The following TJP2 variants were observed in gnomAD, a reference collection of about 807,000 sequenced individuals.
TJP2 encodes Friedreich ataxia region gene X104 (tight junction protein ZO-2).
TJP2 carries 91 observed loss-of-function variants against 133.1 expected under a neutral mutation model. That is an observed-to-expected ratio of 0.68 (90% CI 0.58 to 0.81). The LOEUF (loss-of-function observed/expected upper bound fraction) is 0.81. TJP2 is among the 40% of genes least tolerant of loss of function. The pLI, the probability that TJP2 is intolerant of heterozygous loss-of-function variation, is 0.00. For missense variants in TJP2, 1,541 were observed against 1,565.6 expected (o/e 0.98, Z 0.26); for synonymous variants, 592 against 583.4 (o/e 1.01, Z -0.21).
At chr9:69,219,957 C>G (rs1054531139) in intron 4 of TJP2, among the ~76,000 whole-genome samples, 4 of 151,996 alleles carry the variant, frequency 2.6e-5, no homozygotes, top group Non-Finnish European at 2.9e-5. Context: ...TCGAGACCAG[C>G]CTGGCCAACA....
intron 2 of TJP2, among the ~76,000 whole-genome samples, chr9:69,163,709 G>A (rs1824207995): frequency 6.6e-6 from 1 of 151,688 alleles, no homozygotes; most frequent in South Asian, 2.1e-4. Flanking sequence ...CTGAGCTCAA[G>A]CCATCCATCC....
chr9:69,184,070 G>T (rs1468305967), intron 1 of TJP2, among the ~76,000 whole-genome samples: 1 of 152,180 alleles, frequency 6.6e-6, no homozygotes, highest in African/African-American at 2.4e-5. Context: ...AAACCTGGGT[G>T]TGAATTCTTT....
intron 1 of TJP2, among the ~76,000 whole-genome samples, chr9:69,176,640 TA>T (rs1825113573): frequency 6.6e-6 from 1 of 152,216 alleles, no homozygotes. Flanking sequence ...AATGAATTTT[TA>T]CATCACCCCC....
At position 69,225,337 on chromosome 9, in the gene TJP2, T is replaced by A. The variant is rs375470616; in HGVS notation, c.986T>A (p.Val329Glu). The A allele has an allele frequency of 6.2e-7, 1 of 1,613,768 alleles. No homozygotes were observed. Among genetic ancestry groups the A allele is most frequent in the Non-Finnish European group, 8.5e-7 (1 of 1,179,868 alleles). The change falls in exon 6 of 23, where the codon GTA becomes GAA. Residue 329 changes from valine (V) to glutamate (E), a missense_variant. Physicochemically the swap from Val to Glu is moderately radical, Grantham distance 121. Transcript: ENST00000377245. ...YGLRLGSQIF[V>E]KEMTRTGLAT... ...CTCCGGCTTGGGAGTCAGATCTTCG[T>A]AAAGGAAATGACCCGAACGGGTCTG... is the stretch of plus-strand genomic sequence containing the variant.
chr9:69,191,019 T>C (rs998439030), intron 1 of TJP2, among the ~76,000 whole-genome samples: 17 of 152,194 alleles, frequency 1.1e-4, no homozygotes, highest in African/African-American at 4.1e-4. Context: ...AATCTGGGAA[T>C]AGTAGATCAG....
intron 2 of TJP2, among the ~76,000 whole-genome samples, chr9:69,156,765 C>T (rs969513060): frequency 2.6e-5 from 4 of 151,756 alleles, no homozygotes; most frequent in African/African-American, 4.8e-5. Context: ...GTGATCCGCC[C>T]GCCTCGGCCT....
At chr9:69,136,639 T>C (rs145394543) in intron 1 of TJP2, among the ~76,000 whole-genome samples, 59 of 152,312 alleles carry the variant, frequency 3.9e-4, no homozygotes, top group African/African-American at 1.3e-3. Context: ...TCTTGACTAC[T>C]AGGGTCATGT....
chr9:69,206,337 C>T (rs1489490092), intron 1 of TJP2, among the ~76,000 whole-genome samples: 1 of 152,200 alleles, frequency 6.6e-6, no homozygotes, highest in Non-Finnish European at 1.5e-5. Flanking sequence ...CTGCCCACCG[C>T]ACCTGCCTTG....
chr9:69,220,232 T>G (rs1828711869), intron 4 of TJP2, among the ~76,000 whole-genome samples: 1 of 152,246 alleles, frequency 6.6e-6, no homozygotes, highest in Non-Finnish European at 1.5e-5. Flanking sequence ...ATAGGGTATG[T>G]GTGATTAATT....
chr9:69,200,364 A>G (rs903956036), intron 1 of TJP2, among the ~76,000 whole-genome samples: 3 of 149,000 alleles, frequency 2.0e-5, no homozygotes, highest in African/African-American at 7.5e-5. Flanking sequence ...CGCCTGTGCC[A>G]TCAATTACAC....
intron 1 of TJP2, among the ~76,000 whole-genome samples, chr9:69,212,164 C>T (rs1157481437): frequency 6.6e-6 from 1 of 152,058 alleles, no homozygotes; most frequent in Admixed American, 6.5e-5. Flanking sequence ...AGAAAACTTG[C>T]CTACGAGGTC....
intron 19 of TJP2, chr9:69,249,008 T>A (rs1298094949): frequency 3.1e-6 from 3 of 981,184 alleles, no homozygotes; most frequent in African/African-American, 3.7e-5. Context: ...AACAACAAAC[T>A]GAAGGGGGAG....
At chr9:69,221,621 T>C in intron 5 of TJP2, 125 bp downstream of exon 5, 1 of 1,293,434 alleles carries the variant, frequency 7.7e-7, no homozygotes, top group Non-Finnish European at 1.1e-6. Context: ...TGGCGTGATC[T>C]CGGCTCACTG....
At chr9:69,253,055 G>T in intron 22 of TJP2, 155 bp downstream of exon 22, 3 of 696,460 alleles carry the variant, frequency 4.3e-6, no homozygotes, top group Non-Finnish European at 7.4e-6. Flanking sequence ...AAATTTAATT[G>T]TAAAGATTAC....
At position 69,174,433 on chromosome 9, in the gene TJP2, G is replaced by GTA; in HGVS notation, c.60+2_60+3dup. 1 of 1,551,274 alleles carries GTA rather than the reference G, an allele frequency of 6.4e-7. No homozygotes were observed. The highest frequency in any genetic ancestry group is 8.7e-7 in the Non-Finnish European group (1 of 1,146,952). On this transcript the variant is annotated splice_donor_variant, in intron 1 of 22. Transcript: ENST00000377245. LOFTEE classifies it high-confidence loss of function. The stretch of plus-strand genomic sequence containing the variant: ...GCGGGAGCTGTCAGGTTGGCTCCGC[G>GTA]TAAGTGCCTCCTTGTGCCGCGCGGT...
rs907766634 is a variant in TJP2, at chr9:69,174,462, G to A, written c.60+30G>A. Reference sequence around the variant, plus strand: ...GTGCCTCCTTGTGCCGCGCGGTTGGGAGGAGGGTCGTGAGCGTGAGCGTGG... The same window carrying A: ...GTGCCTCCTTGTGCCGCGCGGTTGGAAGGAGGGTCGTGAGCGTGAGCGTGG... On this transcript the variant is annotated intron_variant, in intron 1 of 22. Coordinates refer to ENST00000377245, the MANE Select transcript of TJP2 (RefSeq NM_004817.4). The A allele has an allele frequency of 4.5e-6, 7 of 1,538,614 alleles. No individual in the cohort carries two copies. The African/African-American group carries it at 9.9e-5, about 22-fold the overall frequency.
chr9:69,225,956 A>G (rs1829312155), intron 6 of TJP2, 66 bp from the exon 7 acceptor site: 3 of 1,568,438 alleles, frequency 1.9e-6, no homozygotes, highest in Non-Finnish European at 2.6e-6. Flanking sequence ...TTAGAAGGGG[A>G]AAATATGAAT....
At chr9:69,202,095 T>TA (rs1294884064) in intron 1 of TJP2, among the ~76,000 whole-genome samples, 2 of 152,202 alleles carry the variant, frequency 1.3e-5, no homozygotes, top group Non-Finnish European at 2.9e-5. Context: ...GGGAAGTTTA[T>TA]AAAAAACAGA....
chr9:69,226,859 T>C (rs1364152449), intron 7 of TJP2, among the ~76,000 whole-genome samples: 2 of 152,238 alleles, frequency 1.3e-5, no homozygotes, highest in East Asian at 3.8e-4. Context: ...ATTTGGAGGA[T>C]AGCTAAAACA....
Sources: allele counts gnomAD v4.1 joint callset (sites outside exome capture counted in the v4.1 genomes callset), GRCh38; gene constraint gnomAD v4.1.1; transcripts MANE v1.5; gene names NCBI Gene and HGNC (gene_info 2026-07-23, HGNC 2026-07-21).